Variants in SBF2 observed in about 807,000 individuals in gnomAD.
SBF2 encodes myotubularin-related protein 13.
SBF2 carries 112 observed loss-of-function variants against 225.2 expected under a neutral mutation model. That is an observed-to-expected ratio of 0.50 (90% CI 0.43 to 0.58). SBF2 has a LOEUF of 0.58. SBF2 is among the 20% of genes least tolerant of loss of function. The pLI, the probability that SBF2 is intolerant of heterozygous loss-of-function variation, is 0.00. For missense variants in SBF2, 1,996 were observed against 2,206.2 expected, an observed-to-expected ratio of 0.90 and a Z score of 1.91; for synonymous variants, 763 against 773.3, an observed-to-expected ratio of 0.99 and a Z score of 0.22.
intron 16 of SBF2, among the ~76,000 whole-genome samples, chr11:9,935,037 G>C (rs1489393813): frequency 6.6e-6 from 1 of 152,180 alleles, no homozygotes; most frequent in Non-Finnish European, 1.5e-5. Flanking sequence ...CAGATGACAT[G>C]ATTGTATATT....
At chr11:10,044,925 A>G (rs1025157976) in intron 2 of SBF2, among the ~76,000 whole-genome samples, 6 of 152,036 alleles carry the variant, frequency 3.9e-5, no homozygotes, top group Admixed American at 3.9e-4. Flanking sequence ...TGCTGGTTTC[A>G]CTTTGCAGCA....
At chr11:10,237,745 T>A (rs1959133543) in intron 1 of SBF2, among the ~76,000 whole-genome samples, 1 of 152,220 alleles carries the variant, frequency 6.6e-6, no homozygotes, top group Non-Finnish European at 1.5e-5. Flanking sequence ...TTTAGGCACC[T>A]TTGTAATCCT....
chr11:9,853,396 C>T (rs1290468311), intron 20 of SBF2, 144 bp downstream of exon 20: 1 of 735,150 alleles, frequency 1.4e-6, no homozygotes, highest in Non-Finnish European at 2.3e-6. Flanking sequence ...TATTTTACAA[C>T]AATTTAAAAA....
chr11:10,152,298 T>G (rs1051379398), intron 2 of SBF2, among the ~76,000 whole-genome samples: 3 of 152,094 alleles, frequency 2.0e-5, no homozygotes, highest in African/African-American at 7.2e-5. Context: ...CACCTGTAAT[T>G]CAAGCACTTT....
At chr11:10,256,607 T>C (rs1285210933) in intron 1 of SBF2, among the ~76,000 whole-genome samples, 1 of 152,208 alleles carries the variant, frequency 6.6e-6, no homozygotes, top group Non-Finnish European at 1.5e-5. Flanking sequence ...AAGAGCACTG[T>C]TTGCCCATAT....
At chr11:10,187,426 C>T (rs890936016) in intron 2 of SBF2, among the ~76,000 whole-genome samples, 1 of 152,082 alleles carries the variant, frequency 6.6e-6, no homozygotes, top group Non-Finnish European at 1.5e-5. Flanking sequence ...CAGGAAGGTG[C>T]CAACCCAACT....
At chr11:10,297,969 A>T (rs1042500838), upstream of SBF2, among the ~76,000 whole-genome samples, 1 of 152,248 alleles carries the variant, frequency 6.6e-6, no homozygotes, top group African/African-American at 2.4e-5. Flanking sequence ...ATCACCTTTC[A>T]CCAAAGAGAG....
intron 26 of SBF2, among the ~76,000 whole-genome samples, chr11:9,837,754 T>C (rs1015584104): frequency 7.9e-5 from 12 of 152,132 alleles, no homozygotes; most frequent in African/African-American, 2.9e-4. Context: ...AGCTTTTTTT[T>C]TGGAGACGGA....
chr11:10,150,953 G>C (rs1185795093), intron 2 of SBF2, among the ~76,000 whole-genome samples: 1 of 152,092 alleles, frequency 6.6e-6, no homozygotes, highest in Non-Finnish European at 1.5e-5. Flanking sequence ...AATCACATAT[G>C]ACTTAAACCT....
At chr11:9,805,112 G>A (rs1590123387) in intron 32 of SBF2, among the ~76,000 whole-genome samples, 1 of 152,024 alleles carries the variant, frequency 6.6e-6, no homozygotes, top group South Asian at 2.1e-4. Flanking sequence ...CAGCTGTGGT[G>A]GTGTGCACCT....
intron 4 of SBF2, 56 bp downstream of exon 4, chr11:10,030,992 A>C (rs367621567): frequency 9.6e-6 from 14 of 1,463,614 alleles, no homozygotes; most frequent in African/African-American, 7.0e-5. Flanking sequence ...ACCATGGTTC[A>C]TTCAAGAGAC....
At chr11:10,024,119 T>C (rs960788057) in intron 6 of SBF2, among the ~76,000 whole-genome samples, 2 of 152,218 alleles carry the variant, frequency 1.3e-5, no homozygotes, top group African/African-American at 4.8e-5. Context: ...AAAATAATTA[T>C]TTTCAGGTTA....
rs16907139 is a variant in SBF2 at position 9,842,776 on chromosome 11, A to G, written c.3111-6T>C. ...CAATTGTTTTTGAGAAGGTACTACA[A>G]GTCATAAAACCAAAGAGAATGTCAA... On this transcript the variant is annotated splice_polypyrimidine_tract_variant and splice_region_variant and intron_variant, in intron 24 of 39. Coordinates refer to ENST00000256190, the MANE Select transcript of SBF2 (RefSeq NM_030962.4). 4,530 of 1,613,950 alleles carry G rather than the reference A, an allele frequency of 2.8e-3. 129 individuals are homozygous for G. The African/African-American group carries it at 0.055, about 20-fold the overall frequency.
At chr11:10,073,559 A>G (rs1363947602) in intron 2 of SBF2, among the ~76,000 whole-genome samples, 1 of 152,076 alleles carries the variant, frequency 6.6e-6, no homozygotes, top group Admixed American at 6.5e-5. Flanking sequence ...TCTACTAATA[A>G]TACAAAAACT....
At chr11:10,284,020 G>A (rs1187518290) in intron 1 of SBF2, among the ~76,000 whole-genome samples, 3 of 152,140 alleles carry the variant, frequency 2.0e-5, no homozygotes, top group East Asian at 1.9e-4. Flanking sequence ...AATAACTTAT[G>A]TCATTAATAG....
intron 17 of SBF2, among the ~76,000 whole-genome samples, chr11:9,881,736 AT>A (rs1384575949): frequency 6.6e-6 from 1 of 151,726 alleles, no homozygotes. Flanking sequence ...AACACTCCCC[AT>A]CCCCCCCCAA....
intron 16 of SBF2, among the ~76,000 whole-genome samples, chr11:9,955,417 T>C (rs888975580): frequency 6.6e-6 from 1 of 152,104 alleles, no homozygotes; most frequent in South Asian, 2.1e-4. Context: ...TCCATATCAG[T>C]ACATATATAG....
chr11:9,785,509 G>C (rs1285299968), intron 36 of SBF2, among the ~76,000 whole-genome samples, 191 bp from the exon 37 acceptor site: 1 of 152,106 alleles, frequency 6.6e-6, no homozygotes, highest in Non-Finnish European at 1.5e-5. Context: ...CCATTATTAG[G>C]GACATTAAAC....
chr11:10,130,350 A>G (rs1193481665), intron 2 of SBF2, among the ~76,000 whole-genome samples: 4 of 152,070 alleles, frequency 2.6e-5, no homozygotes, highest in Non-Finnish European at 5.9e-5. Flanking sequence ...TGACAGAGCA[A>G]GACACCATCT....
Sources: gnomAD v4.1 joint callset for allele counts (sites outside exome capture counted in the v4.1 genomes callset) on GRCh38, gnomAD v4.1.1 for gene constraint, MANE v1.5 for transcripts, NCBI Gene and HGNC (gene_info 2026-07-23, HGNC 2026-07-21) for gene names.